The following ARHGAP39 variants were observed in gnomAD, a reference collection of about 807,000 sequenced individuals.
The protein encoded by ARHGAP39 is rho GTPase-activating protein 39.
In ARHGAP39, 44 loss-of-function variants were observed where a neutral mutation model predicts 106.9. The ratio of observed to expected loss-of-function variants is 0.41; its 90% confidence interval spans 0.32 to 0.53. The LOEUF (loss-of-function observed/expected upper bound fraction) is 0.53, where lower values mean the gene tolerates loss of function less well. Ranked by LOEUF, ARHGAP39 falls within the 20% of genes least tolerant of loss-of-function variation. The pLI, the probability that ARHGAP39 is intolerant of heterozygous loss-of-function variation, is 0.21. For missense variants in ARHGAP39, 1,496 were observed against 1,577.3 expected, an observed-to-expected ratio of 0.95 and a Z score of 0.87; for synonymous variants, 768 against 693.2, an observed-to-expected ratio of 1.11 and a Z score of -1.69.
intron 1 of ARHGAP39, among the ~76,000 whole-genome samples, chr8:144,673,395 T>C (rs920074932): frequency 2.6e-5 from 4 of 152,236 alleles, no homozygotes; most frequent in Non-Finnish European, 5.9e-5. Context: ...TTCATTGAGA[T>C]AGAATTCACA....
chr8:144,682,151 A>G (rs1192998622), intron 1 of ARHGAP39, among the ~76,000 whole-genome samples: 1 of 145,766 alleles, frequency 6.9e-6, no homozygotes, highest in Non-Finnish European at 1.5e-5. Flanking sequence ...AGGCTGAGGC[A>G]GGAGAATGGC....
At chr8:144,668,973 A>G (rs1264481696) in intron 1 of ARHGAP39, among the ~76,000 whole-genome samples, 1 of 152,160 alleles carries the variant, frequency 6.6e-6, no homozygotes, top group Non-Finnish European at 1.5e-5. Context: ...ACAGATACAC[A>G]GGACAACAGC....
Position 144,605,625 on chromosome 8 carries a change from T to G in ARHGAP39, c.-11A>C, listed in dbSNP as rs779549452. ...CTGCGTCTGGGACATCGCTGTTTGC[T>G]TCCGCGCCCACGTGGACAGACGTCA... On this transcript the variant is annotated 5_prime_UTR_variant, in exon 2 of 12. Transcript: ENST00000377307. The G allele has an allele frequency of 6.2e-7, 1 of 1,612,546 alleles. No individual in the cohort carries two copies. Among genetic ancestry groups the G allele is most frequent in the Admixed American group, 1.7e-5 (1 of 60,010 alleles).
chr8:144,670,584 GC>G lies in ARHGAP39; in HGVS notation c.-82+15101del, dbSNP rs1184344725. Among the ~76,000 whole-genome samples, 1 of 152,080 alleles carries G rather than the reference GC, an allele frequency of 6.6e-6. No individual in the cohort carries two copies. Among genetic ancestry groups the G allele is most frequent in the Non-Finnish European group, 1.5e-5 (1 of 68,026 alleles). ...TCTGGCTGGCTGCCTCACTTGTCCT[GC>G]CTCCCGCCCTGCTCCAGGCTCCCTG... On this transcript the variant is annotated intron_variant, in intron 1 of 11. Coordinates refer to ENST00000377307, the MANE Select transcript of ARHGAP39 (RefSeq NM_025251.3). This position sits in a 1 kb window ranked among gnomAD's most constrained non-coding sequence, Gnocchi z 4.4.
chr8:144,551,044 G>A (rs1220525325), intron 4 of ARHGAP39, among the ~76,000 whole-genome samples: 1 of 152,232 alleles, frequency 6.6e-6, no homozygotes, highest in Non-Finnish European at 1.5e-5. Flanking sequence ...CTCGGTCAAT[G>A]CGAACCATTA....
rs765156214 is a variant in ARHGAP39 at position 144,580,976 on chromosome 8, T to C, written c.382A>G (p.Ser128Gly). The C allele has an allele frequency of 8.2e-5, 131 of 1,600,002 alleles. No individual in the cohort carries two copies. Among genetic ancestry groups the C allele is most frequent in the Non-Finnish European group, 1.1e-4 (124 of 1,174,596 alleles). ...ASAESSPGRGSSVSREGSTSS... is the reference protein window; with the variant it reads ...ASAESSPGRGGSVSREGSTSS... ...GTGCTGCCCTCACGGCTGACGCTGC[T>C]GCCGCGCCCGGGGCTGCTCTCCGCC... The change falls in exon 3 of 12, where the codon AGC (serine) becomes GGC (glycine). Residue 128 changes from serine to glycine, a missense_variant. This residue lies in a region of ARHGAP39 where 905 missense variants were observed against 816.4 expected (regional missense o/e 1.11). Transcript: ENST00000377307.
chr8:144,619,538 G>A (rs541885618), intron 1 of ARHGAP39, among the ~76,000 whole-genome samples: 6 of 152,178 alleles, frequency 3.9e-5, no homozygotes, highest in East Asian at 3.9e-4. Flanking sequence ...CTGTGTGCAC[G>A]TGAGCCTGTG....
intron 1 of ARHGAP39, among the ~76,000 whole-genome samples, chr8:144,614,240 C>T (rs563589092): frequency 6.6e-6 from 1 of 152,290 alleles, no homozygotes; most frequent in South Asian, 2.1e-4. Context: ...TTTTTCACTC[C>T]AGTATGGGTT....
intron 3 of ARHGAP39, among the ~76,000 whole-genome samples, chr8:144,556,283 TAAAAAAA>T (rs773901158): frequency 1.1e-5 from 1 of 87,304 alleles, no homozygotes; most frequent in Non-Finnish European, 2.2e-5. Flanking sequence ...AGACTCCATC[TAAAAAAA>T]AAAAAAAAAA....
At chr8:144,666,219 C>G (rs540049863) in intron 1 of ARHGAP39, among the ~76,000 whole-genome samples, 1 of 152,242 alleles carries the variant, frequency 6.6e-6, no homozygotes, top group East Asian at 1.9e-4. Context: ...AAACCTGTAC[C>G]CCCATTGTAT....
chr8:144,613,490 GTTTTT>G lies in ARHGAP39; in HGVS notation c.-81-7800_-81-7796del, dbSNP rs59528973. Among the ~76,000 whole-genome samples, 944 of 143,442 alleles carry G rather than the reference GTTTTT, an allele frequency of 6.6e-3. 6 individuals are homozygous for G. Among genetic ancestry groups the G allele is most frequent in the Non-Finnish European group, 0.011 (695 of 65,268 alleles). 94.1% of individuals were successfully genotyped at this position (143,442 alleles called of 152,430 possible). ...TTAGGTATAGAATTCTTGGTGGACAGTTTTTTTTTTTTTCCCTTTCAGCATCTTAA... is the reference window on the plus strand; with the variant it reads ...TTAGGTATAGAATTCTTGGTGGACAGTTTTTTTTCCCTTTCAGCATCTTAA... On this transcript the variant is annotated intron_variant, in intron 1 of 11. Coordinates refer to ENST00000377307, the MANE Select transcript of ARHGAP39 (RefSeq NM_025251.3).
At chr8:144,567,093 A>G (rs1192906704) in intron 3 of ARHGAP39, among the ~76,000 whole-genome samples, 1 of 152,236 alleles carries the variant, frequency 6.6e-6, no homozygotes, top group Non-Finnish European at 1.5e-5. Flanking sequence ...CTGAGGCAAG[A>G]GACTGAAGGC....
rs1816670871 is a variant in ARHGAP39, at chr8:144,530,874, G to A, written c.2981-3C>T. On this transcript the variant is annotated splice_region_variant and splice_polypyrimidine_tract_variant and intron_variant, in intron 10 of 11. Coordinates refer to ENST00000377307, the MANE Select transcript of ARHGAP39 (RefSeq NM_025251.3). ...GTACCACAGCTTCAGCAGGGACGCTGGGGACACAGCACGGGGCTCAGCGGC... is the reference window on the plus strand; with the variant it reads ...GTACCACAGCTTCAGCAGGGACGCTAGGGACACAGCACGGGGCTCAGCGGC... 1.2e-6 allele frequency: 2 copies of A among 1,607,518 alleles called. No homozygotes were observed. The highest frequency in any genetic ancestry group is 2.2e-5 in the East Asian group (1 of 44,796).
In ARHGAP39 at chr8:144,533,164, C is replaced by A. The variant is rs1405478284; in HGVS notation, c.2850G>T (p.Val950=). The change falls in exon 9 of 12, where the codon GTG becomes GTT. Residue 950 remains valine (V), a synonymous_variant. Coordinates refer to ENST00000377307, the MANE Select transcript of ARHGAP39 (RefSeq NM_025251.3). The part of the protein sequence containing the change: ...PWVQTRLSEE[V]LALNGDQTEG... ...CTGTCTGGTCACCGTTGAGCGCCAG[C>A]ACCTCCTCAGAGAGCCGTGTCTGCA... The A allele has an allele frequency of 1.9e-6, 3 of 1,610,166 alleles. No individual in the cohort carries two copies. Among genetic ancestry groups the A allele is most frequent in the Non-Finnish European group, 2.5e-6 (3 of 1,179,536 alleles).
chr8:144,669,679 G>C (rs1325010999), intron 1 of ARHGAP39, among the ~76,000 whole-genome samples: 4 of 152,062 alleles, frequency 2.6e-5, no homozygotes, highest in Non-Finnish European at 5.9e-5. Context: ...AGTCATAAAG[G>C]ATAAGTAGCC....
the ARHGAP39 span, among the ~76,000 whole-genome samples, chr8:144,697,788 G>A: frequency 3.3e-5 from 5 of 152,036 alleles, no homozygotes; most frequent in South Asian, 1.0e-3. Flanking sequence ...CACTGCACCC[G>A]GCCTGTTTTT....
intron 1 of ARHGAP39, among the ~76,000 whole-genome samples, chr8:144,633,073 G>A (rs1199940838): frequency 1.3e-5 from 2 of 152,022 alleles, no homozygotes; most frequent in African/African-American, 2.4e-5. Flanking sequence ...GCCTGGGGAG[G>A]TGGAGGCTGC....
rs1442514032 is a variant in ARHGAP39 at position 144,645,634 on chromosome 8, T to C, written c.-81-39939A>G. Among the ~76,000 whole-genome samples, 1 of 152,232 alleles carries C rather than the reference T, an allele frequency of 6.6e-6. No individual in the cohort carries two copies. Among genetic ancestry groups the C allele is most frequent in the Non-Finnish European group, 1.5e-5 (1 of 68,032 alleles). ...ATGAATGTCATCATCCCAGACGTGT[T>C]AGGAATGAAAGACATGACATGTAAA... On this transcript the variant is annotated intron_variant, in intron 1 of 11. Coordinates refer to ENST00000377307, the MANE Select transcript of ARHGAP39 (RefSeq NM_025251.3). The surrounding 1 kb of genome is among the most constrained non-coding windows in gnomAD (Gnocchi z 4.4).
At chr8:144,557,171 T>A (rs1172647212) in intron 3 of ARHGAP39, among the ~76,000 whole-genome samples, 1 of 144,224 alleles carries the variant, frequency 6.9e-6, no homozygotes, top group Non-Finnish European at 1.5e-5. Context: ...ACCTTCGTAG[T>A]ATTCAGAGGC....
Sources: gnomAD v4.1 joint callset for allele counts (sites outside exome capture counted in the v4.1 genomes callset) on GRCh38, gnomAD v4.1.1 for gene constraint, gnomAD v4.1.1 regional missense constraint, Gnocchi (gnomAD v3.1) non-coding constraint, MANE v1.5 for transcripts, NCBI Gene and HGNC (gene_info 2026-07-23, HGNC 2026-07-21) for gene names.